Variants in SYN3 observed in about 807,000 individuals in gnomAD.
SYN3 encodes synapsin III, also known as synapsin-3.
In SYN3, 35 loss-of-function variants were observed where a neutral mutation model predicts 65.8. The observed-to-expected ratio is 0.53, with a 90% CI of 0.41 to 0.70. The LOEUF (loss-of-function observed/expected upper bound fraction) is 0.70. Ranked by LOEUF, SYN3 falls within the 30% of genes least tolerant of loss-of-function variation. The probability of loss-of-function intolerance (pLI) is 0.00; values close to 1 mark genes in which losing one functional copy is unlikely to be tolerated. For missense variants in SYN3, 680 were observed against 749.0 expected, an observed-to-expected ratio of 0.91 and a Z score of 1.08; for synonymous variants, 270 against 292.9, an observed-to-expected ratio of 0.92 and a Z score of 0.80.
At chr22:32,610,414 C>A (rs958520429) in intron 6 of SYN3, among the ~76,000 whole-genome samples, 2 of 152,182 alleles carry the variant, frequency 1.3e-5, no homozygotes, top group African/African-American at 2.4e-5. Context: ...AGTACCAGTC[C>A]TTCCCCATTT....
rs779206681 is a variant in SYN3, at chr22:32,527,943, C to A, written c.1293G>T (p.Gln431His). The change falls in exon 12 of 14, where the codon CAG (glutamine) becomes CAT (histidine). Residue 431 changes from glutamine to histidine, a missense_variant. By Grantham distance (24) the Gln-to-His change is conservative (BLOSUM62 0). Coordinates refer to ENST00000358763, the MANE Select transcript of SYN3 (RefSeq NM_003490.4). ...GQAQLGPQLG[Q>H]PQPRPPPQGG... ...CTTGCGGAGGTGGGCGTGGCTGGGG[C>A]TGGCCTAGCTGAGGCCCCAGCTGGG... The A allele has an allele frequency of 4.0e-5, 63 of 1,589,808 alleles. No individual in the cohort carries two copies. Among genetic ancestry groups the A allele is most frequent in the Non-Finnish European group, 5.1e-5 (59 of 1,167,050 alleles).
chr22:32,959,981 T>C (rs559336020), intron 3 of SYN3, among the ~76,000 whole-genome samples: 38 of 152,378 alleles, frequency 2.5e-4, no homozygotes, highest in African/African-American at 8.9e-4. Context: ...TTTAATCTGC[T>C]TAAATATTGG....
chr22:32,628,769 C>G (rs2059706060), intron 6 of SYN3, among the ~76,000 whole-genome samples: 1 of 151,920 alleles, frequency 6.6e-6, no homozygotes, highest in African/African-American at 2.4e-5. Flanking sequence ...AAACCTCACT[C>G]AAATCTTTAG....
At chr22:32,637,643 T>TC in intron 6 of SYN3, among the ~76,000 whole-genome samples, 1 of 139,508 alleles carries the variant, frequency 7.2e-6, no homozygotes, top group Non-Finnish European at 1.5e-5. Context: ...TTTTTTTTTT[T>TC]TTTTTTTTTT....
chr22:32,847,919 C>T (rs780874518), intron 6 of SYN3, among the ~76,000 whole-genome samples: 2 of 152,210 alleles, frequency 1.3e-5, no homozygotes, highest in Non-Finnish European at 1.5e-5. Flanking sequence ...CATCACACCC[C>T]CTGATAGAGG....
intron 6 of SYN3, among the ~76,000 whole-genome samples, chr22:32,664,903 C>T (rs1482687638): frequency 6.6e-6 from 1 of 151,778 alleles, no homozygotes; most frequent in African/African-American, 2.4e-5. Flanking sequence ...TGAACCACTG[C>T]ACCCAGCCTA....
intron 4 of SYN3, among the ~76,000 whole-genome samples, chr22:32,919,590 C>T (rs2050283257): frequency 6.6e-6 from 1 of 152,136 alleles, no homozygotes; most frequent in South Asian, 2.1e-4. Flanking sequence ...TTTGCTGGAG[C>T]CTGGCACTCG....
At chr22:32,891,273 TC>T (rs2049438274) in intron 4 of SYN3, among the ~76,000 whole-genome samples, 1 of 152,120 alleles carries the variant, frequency 6.6e-6, no homozygotes, top group South Asian at 2.1e-4. Context: ...ACTTCTCCAG[TC>T]CTTTTGATGA....
Position 32,538,046 on chromosome 22 carries a change from T to C in SYN3, c.982A>G (p.Met328Val), listed in dbSNP as rs755333138. ...TGSAMLEQVA[M>V]TERYRLWVDS... ...TCCTTTGTCTCTTACCTCTCTGTCATGGCCACCTGCTCCAGCATGGCAGAG... is the reference window on the plus strand; with the variant it reads ...TCCTTTGTCTCTTACCTCTCTGTCACGGCCACCTGCTCCAGCATGGCAGAG... Residue 328 changes from methionine to valine, a missense_variant, in exon 9 of 14, where the codon ATG (methionine) becomes GTG (valine). Coordinates refer to ENST00000358763, the MANE Select transcript of SYN3 (RefSeq NM_003490.4). The C allele has an allele frequency of 1.9e-6, 3 of 1,614,208 alleles. No homozygotes were observed. Among genetic ancestry groups the C allele is most frequent in the Non-Finnish European group, 2.5e-6 (3 of 1,180,030 alleles).
chr22:32,892,275 AAC>A (rs2049471271), intron 4 of SYN3, among the ~76,000 whole-genome samples: 1 of 152,114 alleles, frequency 6.6e-6, no homozygotes, highest in Non-Finnish European at 1.5e-5. Flanking sequence ...CAGCCTGAGC[AAC>A]AGAGTGAGAC....
chr22:32,552,983 C>T (rs1379380829), intron 7 of SYN3, among the ~76,000 whole-genome samples: 1 of 152,222 alleles, frequency 6.6e-6, no homozygotes, highest in Non-Finnish European at 1.5e-5. Flanking sequence ...TGGTCAGGTT[C>T]TGGTGAGGCG....
At chr22:32,898,038 C>T (rs1400131193) in intron 4 of SYN3, among the ~76,000 whole-genome samples, 1 of 152,140 alleles carries the variant, frequency 6.6e-6, no homozygotes, top group Non-Finnish European at 1.5e-5. Flanking sequence ...TCTTGTTGCC[C>T]AGGCTGGAGT....
rs150131075 is a variant in SYN3 at position 32,508,297 on chromosome 22, T to G, written c.*5395A>C. ...TCAGAAGCTCCCGCACTGAGCACCT[T>G]GTGACCCCCGCCCCTGCCCACCAGA... On this transcript the variant is annotated 3_prime_UTR_variant, in exon 14 of 14. Coordinates refer to ENST00000358763, the MANE Select transcript of SYN3 (RefSeq NM_003490.4). 0.013 allele frequency among the ~76,000 whole-genome samples: 2,003 copies of G among 152,274 alleles called. 13 individuals are homozygous for G. Among genetic ancestry groups the G allele is most frequent in the Non-Finnish European group, 0.022 (1,492 of 68,024 alleles).
chr22:32,557,517 G>A, intron 7 of SYN3, among the ~76,000 whole-genome samples: 1 of 152,328 alleles, frequency 6.6e-6, no homozygotes, highest in East Asian at 1.9e-4. Context: ...GTACTGCACA[G>A]TTTACATGTA....
chr22:32,895,543 G>A (rs2049567488), intron 4 of SYN3, among the ~76,000 whole-genome samples: 1 of 152,178 alleles, frequency 6.6e-6, no homozygotes, highest in East Asian at 1.9e-4. Context: ...AGAGTGACCT[G>A]ATCCTTGACA....
At chr22:33,020,087 A>G (rs548947619) in intron 1 of SYN3, among the ~76,000 whole-genome samples, 2 of 152,322 alleles carry the variant, frequency 1.3e-5, no homozygotes, top group Non-Finnish European at 2.9e-5. Context: ...GAGAGTCATT[A>G]ATGCTTAGAG....
intron 6 of SYN3, chr22:32,802,019 G>A: frequency 6.3e-7 from 1 of 1,576,782 alleles, no homozygotes; most frequent in East Asian, 2.3e-5. Context: ...CTTGGCTCGG[G>A]CTCATCGTGC....
rs1248126375 is a variant in SYN3, at chr22:32,859,922, C to T, written c.711+4993G>A. On this transcript the variant is annotated intron_variant, in intron 6 of 13. Coordinates refer to ENST00000358763, the MANE Select transcript of SYN3 (RefSeq NM_003490.4). ...ACACCAGGAGCTGCCACTGCATGTC[C>T]CAACCAGACTGTGTCTGTCTGTGTC... The T allele has an allele frequency of 1.8e-5, 3 of 163,694 alleles. No homozygotes were observed. The East Asian group carries it at 5.4e-4, about 30-fold the overall frequency. 10.1% of individuals were successfully genotyped at this position (163,694 alleles called of 1,614,324 possible).
At chr22:32,895,083 ATGTGTAG>A (rs2049554223) in intron 4 of SYN3, among the ~76,000 whole-genome samples, 1 of 152,238 alleles carries the variant, frequency 6.6e-6, no homozygotes, top group South Asian at 2.1e-4. Context: ...GAAGTGTCTG[ATGTGTAG>A]TGCATGGCTA....
Sources: gnomAD v4.1 joint callset for allele counts (sites outside exome capture counted in the v4.1 genomes callset) on GRCh38, gnomAD v4.1.1 for gene constraint, MANE v1.5 for transcripts, NCBI Gene and HGNC (gene_info 2026-07-23, HGNC 2026-07-21) for gene names.